HIPK1: variants seen among roughly 807,000 people sequenced by gnomAD.
HIPK1 encodes the protein homeodomain-interacting protein kinase 1.
HIPK1 carries 28 observed loss-of-function variants against 117.1 expected under a neutral mutation model. That is an observed-to-expected ratio of 0.24 (90% CI 0.18 to 0.33). HIPK1 has a LOEUF of 0.33. HIPK1 is among the 10% of genes least tolerant of loss of function. The pLI is 1.00. For missense variants in HIPK1, 1,122 were observed against 1,475.1 expected (o/e 0.76, Z 3.92); for synonymous variants, 605 against 562.5 (o/e 1.08, Z -1.07).
rs763596471 is a variant in HIPK1 at position 113,973,540 on chromosome 1, TG to T, written c.*30del. The T allele has an allele frequency of 7.7e-6, 12 of 1,549,120 alleles. No homozygotes were observed. In the African/African-American group the frequency reaches 1.6e-4, roughly 21 times the overall value. On this transcript the variant is annotated 3_prime_UTR_variant, in exon 16 of 16. Coordinates refer to ENST00000426820, the MANE Select transcript of HIPK1 (RefSeq NM_198268.3). ...GGTGAGCATGAGGGAGGAGGAATCA[TG>T]GCTACCTTCTCCTGGCCCTGCGTTC...
At position 113,973,009 on chromosome 1, in the gene HIPK1, C is replaced by T. The variant is rs1672939590; in HGVS notation, c.3145-15C>T. ...GTGACCTCAGGATTCCTCACTTCTT[C>T]CTTCTTTCTTCCAGAACCAGCAGTC... is the stretch of plus-strand genomic sequence containing the variant. On this transcript the variant is annotated splice_polypyrimidine_tract_variant and intron_variant, in intron 15 of 15. Coordinates refer to ENST00000426820, the MANE Select transcript of HIPK1 (RefSeq NM_198268.3). The T allele has an allele frequency of 1.3e-6, 2 of 1,513,018 alleles. No individual in the cohort carries two copies. The highest frequency in any genetic ancestry group is 1.4e-5 in the African/African-American group (1 of 71,580). The allele number at this position is 1,513,018 out of a possible 1,614,324, so 93.7% of individuals were successfully genotyped here.
chr1:113,975,077 G>A lies in HIPK1; in HGVS notation c.*1565G>A, dbSNP rs944933072. ...GGAATTGTTTTGCACAGGTGTGTCT[G>A]GTGAGGAGTTTTTCAGTGTGTGTCT... On this transcript the variant is annotated 3_prime_UTR_variant, in exon 16 of 16. Transcript: ENST00000426820. The A allele has an allele frequency of 6.5e-6, 1 of 152,960 alleles. No individual in the cohort carries two copies. Among genetic ancestry groups the A allele is most frequent in the Non-Finnish European group, 1.5e-5 (1 of 68,084 alleles). The allele number at this position is 152,960 out of a possible 1,614,324, so 9.5% of individuals were successfully genotyped here.
At chr1:113,938,742 T>C (rs1169466169) in intron 1 of HIPK1, among the ~76,000 whole-genome samples, 1 of 151,754 alleles carries the variant, frequency 6.6e-6, no homozygotes, top group Non-Finnish European at 1.5e-5. Context: ...AACCCATCTC[T>C]ACTAAAAATA....
In HIPK1 at chr1:113,971,840, G is replaced by C; in HGVS notation, c.3030G>C (p.Lys1010Asn). The C allele has an allele frequency of 6.3e-7, 1 of 1,598,694 alleles. No homozygotes were observed. The highest frequency in any genetic ancestry group is 8.5e-7 in the Non-Finnish European group (1 of 1,175,234). The stretch of plus-strand genomic sequence containing the variant: ...CTTTTTTAGGTCTCCTGAGCAATAA[G>C]ACTAAGCCAGTCGCTTCAGTGAGTG... ...ATQASGLLSN[K>N]TKPVASVSGQ... The change falls in exon 15 of 16, where the codon AAG (lysine) becomes AAC (asparagine). Residue 1010 changes from lysine (K) to asparagine (N), a missense_variant. Around this residue, in one of 6 missense-constraint regions of HIPK1, gnomAD observed 731 missense variants for 860.4 expected, o/e 0.85. Transcript: ENST00000426820.
At chr1:113,933,027 T>G (rs1485883891) in intron 1 of HIPK1, 5 of 193,528 alleles carry the variant, frequency 2.6e-5, no homozygotes, top group African/African-American at 1.2e-4. Context: ...CAAGGTATAG[T>G]TTTCTTAATT....
intron 2 of HIPK1, among the ~76,000 whole-genome samples, chr1:113,945,415 G>A (rs1355826637): frequency 6.6e-6 from 1 of 152,114 alleles, no homozygotes; most frequent in African/African-American, 2.4e-5. Context: ...CTGTTAAGTC[G>A]AAATCATACA....
At chr1:113,935,241 C>G (rs1256045819) in intron 1 of HIPK1, among the ~76,000 whole-genome samples, 1 of 152,096 alleles carries the variant, frequency 6.6e-6, no homozygotes. Context: ...CATGTGTTCT[C>G]GTTCTTTAGC....
intron 3 of HIPK1, 118 bp downstream of exon 3, chr1:113,953,007 C>A: frequency 1.1e-6 from 1 of 911,632 alleles, no homozygotes; most frequent in Non-Finnish European, 1.5e-6. Flanking sequence ...AAGAGTAGTC[C>A]AATTGCTACT....
At chr1:113,943,361 C>T (rs1028571075) in intron 2 of HIPK1, among the ~76,000 whole-genome samples, 5 of 152,176 alleles carry the variant, frequency 3.3e-5, no homozygotes, top group African/African-American at 1.2e-4. Flanking sequence ...CTAGATACTG[C>T]ATGTAAGTGG....
intron 10 of HIPK1, 125 bp from the exon 11 acceptor site, chr1:113,966,005 C>G: frequency 1.1e-6 from 1 of 884,644 alleles, no homozygotes; most frequent in Non-Finnish European, 1.7e-6. Flanking sequence ...CTTTTTTAAT[C>G]TCTGCAAGTT....
Position 113,973,223 on chromosome 1 carries a change from C to G in HIPK1, c.3344C>G (p.Ala1115Gly). The change falls in exon 16 of 16, where the codon GCT (alanine) becomes GGT (glycine). Residue 1115 changes from alanine to glycine, a missense_variant. Ala to Gly is a moderately conservative substitution (Grantham distance 60). Coordinates refer to ENST00000426820, the MANE Select transcript of HIPK1 (RefSeq NM_198268.3). ...AGCCAGGCTCATCTGTATACGTATG[C>G]TGCCCCGACTTCTGCTGCTGCACTG... is the stretch of plus-strand genomic sequence containing the variant. ...LPSQAHLYTY[A>G]APTSAAALGS... 2 of 1,613,868 alleles carry G rather than the reference C, an allele frequency of 1.2e-6. No individual in the cohort carries two copies. The highest frequency in any genetic ancestry group is 4.5e-5 in the East Asian group (2 of 44,896).
Position 113,970,017 on chromosome 1 carries a change from T to A in HIPK1, c.2833T>A (p.Ser945Thr). Residue 945 changes from serine (S) to threonine (T), a missense_variant, in exon 14 of 16, where the codon TCT becomes ACT. Coordinates refer to ENST00000426820, the MANE Select transcript of HIPK1 (RefSeq NM_198268.3). ...TGTCACTGTCAATGATTCTCCAGACTCTGACTCTTCTTTGAGCAGCCCTTA... is the reference window on the plus strand; with the variant it reads ...TGTCACTGTCAATGATTCTCCAGACACTGACTCTTCTTTGAGCAGCCCTTA... ...SYVTVNDSPD[S>T]DSSLSSPYST... The A allele has an allele frequency of 1.9e-6, 3 of 1,614,172 alleles. No individual in the cohort carries two copies. The highest frequency in any genetic ancestry group is 2.5e-6 in the Non-Finnish European group (3 of 1,179,968).
chr1:113,940,190 T>C (rs1290196067), intron 1 of HIPK1, among the ~76,000 whole-genome samples, 192 bp from the exon 2 acceptor site: 1 of 152,190 alleles, frequency 6.6e-6, no homozygotes, highest in Non-Finnish European at 1.5e-5. Flanking sequence ...TAATCTTCAC[T>C]TTGTCCAGCA....
At chr1:113,956,568 A>T in intron 5 of HIPK1, 59 bp from the exon 6 acceptor site, 1 of 1,218,762 alleles carries the variant, frequency 8.2e-7, no homozygotes, top group Non-Finnish European at 1.2e-6. Context: ...GAAAGCAGCT[A>T]TGTAGTGTCA....
intron 1 of HIPK1, among the ~76,000 whole-genome samples, chr1:113,934,547 T>C (rs553241410): frequency 6.6e-6 from 1 of 152,092 alleles, no homozygotes; most frequent in South Asian, 2.1e-4. Flanking sequence ...CTGGGCAAAT[T>C]TGTCATTATA....
intron 1 of HIPK1, chr1:113,932,154 C>T (rs1669935809): frequency 6.6e-6 from 1 of 152,050 alleles, no homozygotes; most frequent in South Asian, 2.1e-4. Context: ...AAATTTACAT[C>T]CTGTTTTCAT....
At chr1:113,971,454 T>C (rs2101504043) in intron 14 of HIPK1, among the ~76,000 whole-genome samples, 1 of 152,376 alleles carries the variant, frequency 6.6e-6, no homozygotes, top group East Asian at 1.9e-4. Flanking sequence ...GAATTACCAA[T>C]AGCTTTCTCA....
Position 113,941,140 on chromosome 1 carries a change from C to G in HIPK1, c.757C>G (p.Arg253Gly). 1 of 1,614,182 alleles carries G rather than the reference C, an allele frequency of 6.2e-7. No homozygotes were observed. Among genetic ancestry groups the G allele is most frequent in the Non-Finnish European group, 8.5e-7 (1 of 1,180,030 alleles). Residue 253 changes from arginine to glycine, a missense_variant, in exon 2 of 16, where the codon CGT becomes GGT. Around this residue, in one of 6 missense-constraint regions of HIPK1, gnomAD observed 62 missense variants for 121.5 expected, o/e 0.51. Coordinates refer to ENST00000426820, the MANE Select transcript of HIPK1 (RefSeq NM_198268.3). This position sits in a 1 kb window ranked among gnomAD's most constrained non-coding sequence, Gnocchi z 4.9. ...SENADEYNFVRSYECFQHKNH... is the reference protein window; with the variant it reads ...SENADEYNFVGSYECFQHKNH... ...AAATGCTGATGAGTATAATTTTGTC[C>G]GTTCATACGAGTGCTTTCAGCATAA...
chr1:113,951,658 T>C (rs1177514642), intron 2 of HIPK1, among the ~76,000 whole-genome samples: 1 of 152,216 alleles, frequency 6.6e-6, no homozygotes, highest in Non-Finnish European at 1.5e-5. Context: ...GTATTTACCA[T>C]GTGCCATGCA....
Sources: allele counts gnomAD v4.1 joint callset (sites outside exome capture counted in the v4.1 genomes callset), GRCh38; gene constraint gnomAD v4.1.1; regional missense constraint gnomAD v4.1.1; non-coding constraint Gnocchi (gnomAD v3.1); transcripts MANE v1.5; gene names NCBI Gene and HGNC (gene_info 2026-07-23, HGNC 2026-07-21).